The following LCN1 variants were observed in gnomAD, a reference collection of about 807,000 sequenced individuals.
LCN1 encodes the protein lipocalin 1, also known as lipocalin-1.
LCN1 carries 25 observed loss-of-function variants against 22.3 expected under a neutral mutation model. The ratio of observed to expected loss-of-function variants is 1.12; its 90% CI spans 0.82 to 1.56. LCN1 has a LOEUF of 1.56. Among genes scored for constraint, LCN1 ranks in the 40% most tolerant of loss-of-function variants. The probability of loss-of-function intolerance (pLI) is 0.00; values close to 1 mark genes in which losing one functional copy is unlikely to be tolerated. For synonymous variants in LCN1, 85 were observed against 97.6 expected, an observed-to-expected ratio of 0.87 and a Z score of 0.76; for missense variants, 219 against 235.6, an observed-to-expected ratio of 0.93 and a Z score of 0.46.
chr9:135,524,777 G>A, intron 4 of LCN1, 53 bp from the exon 5 acceptor site: 1 of 1,401,892 alleles, frequency 7.1e-7, no homozygotes. Context: ...GGGATGGGGT[G>A]CCGTCGGCCC....
chr9:135,523,770 GA>G, intron 3 of LCN1, 109 bp from the exon 4 acceptor site: 1 of 861,004 alleles, frequency 1.2e-6, no homozygotes, highest in Non-Finnish European at 1.9e-6. Context: ...GGGAGGCTGG[GA>G]GGGTGCAGGA....
rs201625070 is a variant in LCN1 at position 135,525,088 on chromosome 9, G to A, written c.506-44G>A. 461 of 1,607,104 alleles carry A rather than the reference G, an allele frequency of 2.9e-4. 6 individuals are homozygous for A. In the East Asian group the frequency reaches 8.4e-3, roughly 29 times the overall value. ...CTGATGAGGGGCCCCGGTCCTGACT[G>A]CATTCCTGGGGTCTCCTAACGCCTG... On this transcript the variant is annotated intron_variant, in intron 5 of 6. Transcript: ENST00000371781.
rs1418986875 is a variant in LCN1 at position 135,526,432 on chromosome 9, C to T, written c.*90C>T. ...ACAGGGACATGGAAAAAGCTCCCCA[C>T]CCCTGCAGAACGCGGCTGGCTGCAC... On this transcript the variant is annotated 3_prime_UTR_variant, in exon 7 of 7. Transcript: ENST00000371781. The T allele has an allele frequency of 9.3e-6, 12 of 1,286,446 alleles. No homozygotes were observed. The Middle Eastern group carries it at 6.4e-4, about 68-fold the overall frequency. 79.7% of individuals were successfully genotyped at this position (1,286,446 alleles called of 1,614,324 possible).
chr9:135,525,636 C>T (rs1831621292), intron 6 of LCN1, among the ~76,000 whole-genome samples: 2 of 152,100 alleles, frequency 1.3e-5, no homozygotes, highest in African/African-American at 4.8e-5. Context: ...GGTCACCTGC[C>T]CAGGTGTGGG....
chr9:135,521,669 C>G, intron 1 of LCN1, 82 bp downstream of exon 1: 1 of 1,216,750 alleles, frequency 8.2e-7, no homozygotes. Context: ...CCTCCTCCAT[C>G]CAAGGAGACC....
In LCN1 at chr9:135,522,183, T is replaced by C. The variant is rs777281933; in HGVS notation, c.221+6T>C. On this transcript the variant is annotated splice_donor_region_variant and intron_variant, in intron 2 of 6. Coordinates refer to ENST00000371781, the MANE Select transcript of LCN1 (RefSeq NM_002297.4). ...GAAGCCAAGGTCACCATGCTGTGAG[T>C]GTCTGCCAGCCGGCCGGGCAGCCTG... is the stretch of plus-strand genomic sequence containing the variant. 6 of 1,604,788 alleles carry C rather than the reference T, an allele frequency of 3.7e-6. No individual in the cohort carries two copies. The South Asian group carries it at 4.5e-5, about 12-fold the overall frequency.
Position 135,521,533 on chromosome 9 carries a change from C to T in LCN1, c.36C>T (p.Leu12=). The T allele has an allele frequency of 6.2e-7, 1 of 1,613,546 alleles. No individual in the cohort carries two copies. The highest frequency in any genetic ancestry group is 8.5e-7 in the Non-Finnish European group (1 of 1,180,006). Reference sequence around the variant, plus strand: ...TGCTCCTGGCCGTCAGCCTTGGCCTCATTGCTGCCCTGCAGGCCCACCACC... The same window carrying T: ...TGCTCCTGGCCGTCAGCCTTGGCCTTATTGCTGCCCTGCAGGCCCACCACC... ...KPLLLAVSLG[L]IAALQAHHLL... Residue 12 remains leucine, a synonymous_variant, in exon 1 of 7, where the codon CTC becomes CTT. Coordinates refer to ENST00000371781, the MANE Select transcript of LCN1 (RefSeq NM_002297.4).
Position 135,526,519 on chromosome 9 carries a change from G to C in LCN1, c.*177G>C. On this transcript the variant is annotated 3_prime_UTR_variant, in exon 7 of 7. Coordinates refer to ENST00000371781, the MANE Select transcript of LCN1 (RefSeq NM_002297.4). ...GCCCCCTCTCCTGGTTCTCCATAAA[G>C]AGCTTCAGCAGTTCCCAGTGACTCC... The C allele has an allele frequency of 1.6e-6, 2 of 1,244,924 alleles. No homozygotes were observed. The highest frequency in any genetic ancestry group is 2.1e-6 in the Non-Finnish European group (2 of 961,842). 77.1% of individuals were successfully genotyped at this position (1,244,924 alleles called of 1,614,324 possible).
At chr9:135,522,359 G>T (rs1378936185) in intron 2 of LCN1, among the ~76,000 whole-genome samples, 182 bp downstream of exon 2, 1 of 152,216 alleles carries the variant, frequency 6.6e-6, no homozygotes, top group Non-Finnish European at 1.5e-5. Flanking sequence ...GGGGCCCTGA[G>T]GGGGCAGAGG....
rs1391972202 is a variant in LCN1, at chr9:135,524,850, C to T, written c.424C>T (p.Leu142=). ...KLVGRDPKNN[L]EALEDFEKAA... is the part of the protein sequence containing the mutation. ...CACAGGCAGAGACCCCAAGAACAAC[C>T]TGGAAGCCTTGGAGGACTTTGAGAA... The change falls in exon 5 of 7, where the codon CTG becomes TTG. Residue 142 remains leucine, a synonymous_variant. Transcript: ENST00000371781. 3.1e-6 allele frequency: 5 copies of T among 1,606,704 alleles called. No individual in the cohort carries two copies. In the East Asian group the frequency reaches 1.1e-4, roughly 36 times the overall value.
chr9:135,523,676 T>C (rs1831556388), intron 3 of LCN1, among the ~76,000 whole-genome samples: 1 of 152,080 alleles, frequency 6.6e-6, no homozygotes, highest in African/African-American at 2.4e-5. Flanking sequence ...TGTGGCCGCC[T>C]CTTGGGTACA....
rs530376753 is a variant in LCN1 at position 135,526,425 on chromosome 9, C to T, written c.*83C>T. On this transcript the variant is annotated 3_prime_UTR_variant, in exon 7 of 7. Coordinates refer to ENST00000371781, the MANE Select transcript of LCN1 (RefSeq NM_002297.4). The stretch of plus-strand genomic sequence containing the variant: ...GTCATTCACAGGGACATGGAAAAAG[C>T]TCCCCACCCCTGCAGAACGCGGCTG... 1.9e-5 allele frequency: 24 copies of T among 1,286,660 alleles called. No homozygotes were observed. The South Asian group carries it at 2.7e-4, about 15-fold the overall frequency. The allele number at this position is 1,286,660 out of a possible 1,614,324, so 79.7% of individuals were successfully genotyped here.
chr9:135,523,019 C>A (rs1222107033), intron 2 of LCN1, among the ~76,000 whole-genome samples: 1 of 152,166 alleles, frequency 6.6e-6, no homozygotes, highest in East Asian at 1.9e-4. Flanking sequence ...AGGAGCGGTG[C>A]AGAGCTCCTG....
chr9:135,523,647 G>A (rs114870340), intron 3 of LCN1, among the ~76,000 whole-genome samples: 4,181 of 152,234 alleles, frequency 0.027, 202 homozygotes, highest in African/African-American at 0.094. Flanking sequence ...GGAACCCCCC[G>A]TGACTCACTG....
At chr9:135,523,840 C>G in intron 3 of LCN1, 40 bp from the exon 4 acceptor site, 1 of 1,561,656 alleles carries the variant, frequency 6.4e-7, no homozygotes, top group Non-Finnish European at 8.8e-7. Context: ...TCTGAAGTCC[C>G]TGGTGGCTAA....
At chr9:135,523,746 G>A (rs1831557885) in intron 3 of LCN1, 134 bp from the exon 4 acceptor site, 1 of 725,766 alleles carries the variant, frequency 1.4e-6, no homozygotes, top group Non-Finnish European at 2.4e-6. Flanking sequence ...GGGGAACCTG[G>A]GTCAGGGAGC....
intron 6 of LCN1, 66 bp downstream of exon 6, chr9:135,525,224 G>A (rs1294964273): frequency 2.0e-6 from 3 of 1,514,792 alleles, no homozygotes; most frequent in Non-Finnish European, 2.7e-6. Context: ...TGCTTCCAGA[G>A]GCCATGGGGT....
At position 135,523,277 on chromosome 9, in the gene LCN1, T is replaced by C; in HGVS notation, c.267T>C (p.Thr89=). 6.2e-7 allele frequency: 1 copy of C among 1,612,698 alleles called. No homozygotes were observed. Among genetic ancestry groups the C allele is most frequent in the Non-Finnish European group, 8.5e-7 (1 of 1,179,742 alleles). The change falls in exon 3 of 7, where the codon ACT becomes ACC. Residue 89 remains threonine (T), a synonymous_variant. Coordinates refer to ENST00000371781, the MANE Select transcript of LCN1 (RefSeq NM_002297.4). ...AGGTGAAGGCCGTCCTGGAGAAAAC[T>C]GACGAGCCGGGAAAATACACGGCCG... ...CQEVKAVLEK[T]DEPGKYTADG... is the part of the protein sequence containing the mutation.
At chr9:135,523,602 C>A (rs1831553986) in intron 3 of LCN1, among the ~76,000 whole-genome samples, 1 of 152,190 alleles carries the variant, frequency 6.6e-6, no homozygotes, top group Admixed American at 6.5e-5. Flanking sequence ...GGGGGCTGTA[C>A]CCCAACTCCC....
Sources: gnomAD v4.1 joint callset for allele counts (sites outside exome capture counted in the v4.1 genomes callset) on GRCh38, gnomAD v4.1.1 for gene constraint, MANE v1.5 for transcripts, NCBI Gene and HGNC (gene_info 2026-07-23, HGNC 2026-07-21) for gene names.